Variants in GSE1 observed in about 807,000 individuals in gnomAD.
GSE1 encodes Gse1 coiled-coil protein, also known as genetic suppressor element 1.
GSE1 carries 32 observed loss-of-function variants against 112.6 expected under a neutral mutation model. The observed-to-expected ratio is 0.28, with a 90% CI of 0.21 to 0.38. GSE1 has a LOEUF of 0.38. Ranked by LOEUF, GSE1 falls within the 10% of genes least tolerant of loss-of-function variation. The probability of loss-of-function intolerance (pLI) is 1.00; values close to 1 mark genes in which losing one functional copy is unlikely to be tolerated. For synonymous variants in GSE1, 1,115 were observed against 735.6 expected (o/e 1.52, Z -8.35); for missense variants, 2,348 against 1,699.2 (o/e 1.38, Z -6.71).
At chr16:85,309,552 T>G (rs1010448576) in intron 1 of GSE1, among the ~76,000 whole-genome samples, 1 of 152,140 alleles carries the variant, frequency 6.6e-6, no homozygotes, top group African/African-American at 2.4e-5. Flanking sequence ...AATTTTGAGA[T>G]GATATGTTAT....
intron 2 of GSE1, among the ~76,000 whole-genome samples, chr16:85,518,000 G>A (rs1044721706): frequency 5.9e-5 from 9 of 152,222 alleles, no homozygotes; most frequent in South Asian, 2.1e-4. Context: ...CTGCCTCCCC[G>A]TCGCTTCCTG....
At chr16:85,197,266 C>T (rs538819846) in intron 1 of GSE1, among the ~76,000 whole-genome samples, 6 of 152,202 alleles carry the variant, frequency 3.9e-5, no homozygotes, top group South Asian at 2.1e-4. Flanking sequence ...GAGCCCCCTC[C>T]GTCCACTTGG....
intron 2 of GSE1, among the ~76,000 whole-genome samples, chr16:85,400,370 C>T (rs749526831): frequency 2.1e-5 from 3 of 144,128 alleles, no homozygotes; most frequent in Admixed American, 6.9e-5. Flanking sequence ...TGTGTGCTTT[C>T]GTGTATGTCT....
intron 1 of GSE1, among the ~76,000 whole-genome samples, chr16:85,312,663 A>G (rs547789888): frequency 4.1e-4 from 61 of 148,332 alleles, no homozygotes; most frequent in South Asian, 2.2e-3. Flanking sequence ...TTTTGAGGGG[A>G]TGCTATTCAC....
Position 85,184,908 on chromosome 16 carries a change from G to C in GSE1, c.2283+13101G>C, listed in dbSNP as rs1168534372. Among the ~76,000 whole-genome samples the C allele has an allele frequency of 2.0e-5, 3 of 152,190 alleles. No individual in the cohort carries two copies. The East Asian group carries it at 5.8e-4, about 29-fold the overall frequency. On this transcript the variant is annotated intron_variant, in intron 1 of 2. Coordinates refer to the GSE1 transcript ENST00000637419. ...AGAGGATATGGAAACAGCAGTATTT[G>C]GTTCTCTACATATTAATTAACTTGA...
chr16:85,230,836 T>C (rs1374902709), intron 1 of GSE1, among the ~76,000 whole-genome samples: 1 of 145,526 alleles, frequency 6.9e-6, no homozygotes, highest in Non-Finnish European at 1.5e-5. Flanking sequence ...GAAGACTAGA[T>C]GGATGGATGG....
intron 1 of GSE1, among the ~76,000 whole-genome samples, chr16:85,182,870 A>C (rs896025220): frequency 2.0e-5 from 3 of 151,814 alleles, no homozygotes; most frequent in Non-Finnish European, 4.4e-5. Flanking sequence ...CCTCTGACCC[A>C]CACACCCCAG....
At chr16:85,322,059 CG>C (rs2046119564) in intron 1 of GSE1, among the ~76,000 whole-genome samples, 2 of 152,348 alleles carry the variant, frequency 1.3e-5, no homozygotes, top group South Asian at 4.1e-4. Flanking sequence ...GTGGAGCCTG[CG>C]TGGGAAGGTG....
At chr16:85,300,453 C>T (rs183055199) in intron 1 of GSE1, among the ~76,000 whole-genome samples, 14 of 152,358 alleles carry the variant, frequency 9.2e-5, no homozygotes, top group Admixed American at 3.9e-4. Context: ...AGCCCCTGTT[C>T]TCCTCCCAGC....
chr16:85,202,931 C>A (rs1054598579), intron 1 of GSE1, among the ~76,000 whole-genome samples: 1 of 152,030 alleles, frequency 6.6e-6, no homozygotes, highest in African/African-American at 2.4e-5. Context: ...AGCCAGCCCT[C>A]GTCCTCTCCC....
rs143789521 is a variant in GSE1 at position 85,269,272 on chromosome 16, A to T, written c.2284-88191A>T. Among the ~76,000 whole-genome samples, 15 of 149,188 alleles carry T rather than the reference A, an allele frequency of 1.0e-4. 1 individual carries two copies. Among genetic ancestry groups the T allele is most frequent in the African/African-American group, 3.6e-4 (15 of 41,292 alleles). On this transcript the variant is annotated intron_variant, in intron 1 of 2. Coordinates refer to the GSE1 transcript ENST00000637419. ...AGGGCTGCCAGGCCCTTCCTGGGGG[A>T]GCATCCCACGTCCTTCCCCTGTGTC...
chr16:85,628,967 C>T (rs1309792555), intron 1 of GSE1, among the ~76,000 whole-genome samples: 1 of 152,170 alleles, frequency 6.6e-6, no homozygotes, highest in Non-Finnish European at 1.5e-5. Flanking sequence ...GTGATTGGAT[C>T]ATGGGGGTGG....
chr16:85,260,243 C>T (rs1161724067), intron 1 of GSE1, among the ~76,000 whole-genome samples: 2 of 151,920 alleles, frequency 1.3e-5, no homozygotes, highest in African/African-American at 2.4e-5. Flanking sequence ...GGTCACACCA[C>T]GGCTTTAATT....
At chr16:85,363,179 C>A (rs549779985) in intron 2 of GSE1, among the ~76,000 whole-genome samples, 2 of 152,158 alleles carry the variant, frequency 1.3e-5, no homozygotes, top group African/African-American at 4.8e-5. Flanking sequence ...CAGACCCTAC[C>A]GCTGAGTTTG....
chr16:85,626,825 G>C (rs1451259942), intron 1 of GSE1, among the ~76,000 whole-genome samples: 2 of 152,070 alleles, frequency 1.3e-5, no homozygotes, highest in Non-Finnish European at 2.9e-5. Flanking sequence ...CTCCAGCCTC[G>C]TGGGGAGGGG....
chr16:85,512,765 C>T (rs1410119462), intron 2 of GSE1, among the ~76,000 whole-genome samples: 3 of 152,020 alleles, frequency 2.0e-5, no homozygotes, highest in Non-Finnish European at 4.4e-5. Flanking sequence ...GCTGATTAGC[C>T]AGTGATGTTG....
Position 85,668,508 on chromosome 16 carries a change from T to C in GSE1, c.3415+84T>C, listed in dbSNP as rs960414437. The C allele has an allele frequency of 6.7e-6, 6 of 899,936 alleles. No homozygotes were observed. The African/African-American group carries it at 8.2e-5, about 12-fold the overall frequency. The allele number at this position is 899,936 out of a possible 1,614,324, so 55.7% of individuals were successfully genotyped here. A position where few individuals can be genotyped will look rare whatever the true frequency, so the allele number is the denominator to read the frequency against. ...GCTGAGTGATGAGTTCATGCAGACC[T>C]CTGCCAGCCTGGGGACTGTTTCTCC... is the stretch of plus-strand genomic sequence containing the variant. On this transcript the variant is annotated intron_variant, in intron 14 of 15. Coordinates refer to ENST00000253458, the MANE Select transcript of GSE1 (RefSeq NM_014615.5).
At chr16:85,240,353 C>G (rs1305632841) in intron 1 of GSE1, among the ~76,000 whole-genome samples, 1 of 150,714 alleles carries the variant, frequency 6.6e-6, no homozygotes. Flanking sequence ...AGCCAGAGCC[C>G]CTCAGTTGGC....
chr16:85,476,120 C>T (rs768261184), intron 2 of GSE1, among the ~76,000 whole-genome samples: 7 of 152,120 alleles, frequency 4.6e-5, no homozygotes, highest in Non-Finnish European at 5.9e-5. Flanking sequence ...TTTGTAGAGA[C>T]GGGATTTCGC....
Sources: allele counts gnomAD v4.1 joint callset (sites outside exome capture counted in the v4.1 genomes callset), GRCh38; gene constraint gnomAD v4.1.1; transcripts MANE v1.5; gene names NCBI Gene and HGNC (gene_info 2026-07-23, HGNC 2026-07-21).